KCNH8: variants seen among roughly 807,000 people sequenced by gnomAD.
KCNH8 encodes the protein potassium voltage-gated channel subfamily H member 8.
Under a neutral mutation model 103.6 loss-of-function variants are expected in KCNH8, and 70 were observed. The observed-to-expected ratio is 0.68, with a 90% confidence interval of 0.56 to 0.82. The LOEUF (loss-of-function observed/expected upper bound fraction) is 0.82. KCNH8 is among the 40% of genes least tolerant of loss of function. The pLI is 0.00. For missense variants in KCNH8, 1,217 were observed against 1,329.9 expected (o/e 0.92, Z 1.32); for synonymous variants, 498 against 489.4 (o/e 1.02, Z -0.23).
At chr3:19,169,255 CTTTTTTTTTTT>C (rs768036667) in intron 1 of KCNH8, among the ~76,000 whole-genome samples, 8 of 124,964 alleles carry the variant, frequency 6.4e-5, no homozygotes, top group South Asian at 2.5e-4. Flanking sequence ...TTCTTTCTTT[CTTTTTTTTTTT>C]TTTTTTTTTT....
rs569535093 is a variant in KCNH8 at position 19,512,693 on chromosome 3, G to C, written c.2080-277G>C. On this transcript the variant is annotated intron_variant, in intron 12 of 15. Transcript: ENST00000328405. ...AAACCTGGTATAATGCACCTTTCAC[G>C]TGGCTCCCCATGAAGACAGTTTAAA... Among the ~76,000 whole-genome samples the C allele has an allele frequency of 5.3e-5, 8 of 152,110 alleles. 1 individual carries two copies. In the South Asian group the frequency reaches 6.2e-4, roughly 12 times the overall value.
At chr3:19,470,319 C>T (rs957327830) in intron 11 of KCNH8, among the ~76,000 whole-genome samples, 10 of 152,204 alleles carry the variant, frequency 6.6e-5, no homozygotes, top group African/African-American at 2.2e-4. Flanking sequence ...TACAGTCAGG[C>T]TCTCAAACTC....
chr3:19,359,544 C>T (rs535240574), intron 5 of KCNH8, among the ~76,000 whole-genome samples: 57 of 152,044 alleles, frequency 3.7e-4, no homozygotes, highest in Non-Finnish European at 6.2e-4. Context: ...AACCGTGGGA[C>T]GACTGAAGTT....
Position 19,281,880 on chromosome 3 carries a change from G to A in KCNH8, c.442+551G>A, listed in dbSNP as rs78797930. ...ACAAGCTTTTCAGTTATCTTTAAAG[G>A]AGTCTGAGAATTTGTGTTGTTTACC... On this transcript the variant is annotated intron_variant, in intron 3 of 15. Transcript: ENST00000328405. Among the ~76,000 whole-genome samples, 498 of 152,158 alleles carry A rather than the reference G, an allele frequency of 3.3e-3. 22 individuals are homozygous for A. The East Asian group carries it at 0.084, about 26-fold the overall frequency.
intron 3 of KCNH8, among the ~76,000 whole-genome samples, chr3:19,315,342 A>C (rs2125299873): frequency 6.6e-6 from 1 of 152,136 alleles, no homozygotes; most frequent in South Asian, 2.1e-4. Context: ...GCTGGGGGAC[A>C]CAACTAAGGT....
intron 3 of KCNH8, among the ~76,000 whole-genome samples, chr3:19,303,072 G>A (rs2065084042): frequency 6.6e-6 from 1 of 152,020 alleles, no homozygotes; most frequent in South Asian, 2.1e-4. Flanking sequence ...ACTTCCTCAA[G>A]GATATATCAA....
chr3:19,343,668 G>A (rs938656820), intron 4 of KCNH8, among the ~76,000 whole-genome samples: 5 of 152,066 alleles, frequency 3.3e-5, no homozygotes, highest in African/African-American at 1.2e-4. Flanking sequence ...TGGGAGTTAA[G>A]GACAGAGAGG....
chr3:19,230,845 C>A (rs1234133666), intron 1 of KCNH8, among the ~76,000 whole-genome samples: 9 of 152,120 alleles, frequency 5.9e-5, no homozygotes, highest in Non-Finnish European at 1.2e-4. Flanking sequence ...TTTCGTTCTT[C>A]GGAACGCAAA....
At chr3:19,395,910 G>T (rs1036854085) in intron 7 of KCNH8, among the ~76,000 whole-genome samples, 2 of 151,976 alleles carry the variant, frequency 1.3e-5, no homozygotes, top group African/African-American at 2.4e-5. Context: ...GTTTAAGGGA[G>T]ATTTTTTGAA....
chr3:19,393,257 T>A (rs988993327), intron 6 of KCNH8, among the ~76,000 whole-genome samples: 5 of 152,064 alleles, frequency 3.3e-5, no homozygotes, highest in African/African-American at 1.2e-4. Flanking sequence ...CCTGTCATTC[T>A]TCAAGAGAAA....
intron 8 of KCNH8, among the ~76,000 whole-genome samples, chr3:19,445,295 G>A (rs926206872): frequency 2.0e-5 from 3 of 151,810 alleles, no homozygotes; most frequent in Non-Finnish European, 4.4e-5. Context: ...AATATAATTG[G>A]TAACTGTGGT....
At chr3:19,273,117 A>C (rs1425081911) in intron 2 of KCNH8, among the ~76,000 whole-genome samples, 1 of 152,226 alleles carries the variant, frequency 6.6e-6, no homozygotes, top group African/African-American at 2.4e-5. Flanking sequence ...TGTTGAGTTC[A>C]TACAGACGTT....
intron 5 of KCNH8, among the ~76,000 whole-genome samples, chr3:19,369,509 C>T (rs1187128339): frequency 6.6e-6 from 1 of 151,994 alleles, no homozygotes. Flanking sequence ...ATTGTTTCGC[C>T]ACCTAGCATT....
At chr3:19,513,356 G>C (rs114214436) in intron 13 of KCNH8, 31 bp downstream of exon 13, 1 of 1,547,650 alleles carries the variant, frequency 6.5e-7, no homozygotes, top group Admixed American at 2.0e-5. Context: ...ACTTTCTCAC[G>C]TGAACGTGGC....
chr3:19,186,190 C>G (rs571721048), intron 1 of KCNH8, among the ~76,000 whole-genome samples: 1 of 151,394 alleles, frequency 6.6e-6, no homozygotes, highest in Non-Finnish European at 1.5e-5. Flanking sequence ...TGAATCACCT[C>G]TCTGATTGTC....
At position 19,390,581 on chromosome 3, in the gene KCNH8, C is replaced by T. The variant is rs757013966; in HGVS notation, c.912C>T (p.Ile304=). ...TCCACTATGTCACAACCTGGTTCAT[C>T]ATTGATTTAATCGCTGCCCTGCCTT... is the stretch of plus-strand genomic sequence containing the variant. ...ICIHYVTTWF[I]IDLIAALPFD... is the part of the protein sequence containing the mutation. The change falls in exon 6 of 16, where the codon ATC becomes ATT. Residue 304 remains isoleucine, a synonymous_variant. Coordinates refer to ENST00000328405, the MANE Select transcript of KCNH8 (RefSeq NM_144633.3). The T allele has an allele frequency of 6.2e-7, 1 of 1,613,512 alleles. No homozygotes were observed. Among genetic ancestry groups the T allele is most frequent in the East Asian group, 2.2e-5 (1 of 44,850 alleles).
At chr3:19,294,902 T>C (rs971448897) in intron 3 of KCNH8, among the ~76,000 whole-genome samples, 1 of 152,222 alleles carries the variant, frequency 6.6e-6, no homozygotes, top group Admixed American at 6.5e-5. Context: ...TTCGTTCTGA[T>C]GGTGAGTAGC....
intron 1 of KCNH8, among the ~76,000 whole-genome samples, chr3:19,213,109 G>T (rs978493289): frequency 6.6e-6 from 1 of 152,140 alleles, no homozygotes; most frequent in African/African-American, 2.4e-5. Context: ...CCCAATGTAG[G>T]AATCTCTACA....
At chr3:19,167,353 A>C (rs1296507714) in intron 1 of KCNH8, among the ~76,000 whole-genome samples, 1 of 152,236 alleles carries the variant, frequency 6.6e-6, no homozygotes, top group Non-Finnish European at 1.5e-5. Flanking sequence ...TAGTTTATTC[A>C]AAACATTTCT....
Sources: allele counts gnomAD v4.1 joint callset (sites outside exome capture counted in the v4.1 genomes callset), GRCh38; gene constraint gnomAD v4.1.1; transcripts MANE v1.5; gene names NCBI Gene and HGNC (gene_info 2026-07-23, HGNC 2026-07-21).